Variants in JMY observed in about 807,000 individuals in gnomAD.
JMY encodes the protein junction mediating and regulatory protein, p53 cofactor, also known as junction-mediating and -regulatory protein.
In JMY, 46 loss-of-function variants were observed where a neutral mutation model predicts 103.3. That is an observed-to-expected ratio of 0.45 (90% CI 0.35 to 0.57). The LOEUF (loss-of-function observed/expected upper bound fraction) is 0.57, where lower values mean the gene tolerates loss of function less well. Among genes scored for constraint, JMY ranks in the 20% least tolerant of loss-of-function variants. The pLI, the probability that JMY is intolerant of heterozygous loss-of-function variation, is 0.00. For missense variants in JMY, 1,238 were observed against 1,255.2 expected (o/e 0.99, Z 0.21); for synonymous variants, 526 against 489.3 (o/e 1.07, Z -0.99).
rs1554052049 is a variant in JMY at position 79,302,102 on chromosome 5, A to AC, written c.1881+1240dup. On this transcript the variant is annotated intron_variant, in intron 6 of 10. Coordinates refer to ENST00000396137, the MANE Select transcript of JMY (RefSeq NM_152405.5). ...CCGTCTCAAAAAAAAAAAAAAAAAA[A>AC]CATTGCAGTGATTTCAGCAGGTCTT... Among the ~76,000 whole-genome samples, 986 of 150,744 alleles carry AC rather than the reference A, an allele frequency of 6.5e-3. 15 individuals are homozygous for AC. The highest frequency in any genetic ancestry group is 0.023 in the African/African-American group (936 of 40,714).
intron 1 of JMY, among the ~76,000 whole-genome samples, chr5:79,274,042 G>A (rs771193779): frequency 3.3e-5 from 5 of 152,034 alleles, no homozygotes; most frequent in Non-Finnish European, 5.9e-5. Context: ...TGTTAACCAG[G>A]ATGGTCTCCA....
At chr5:79,240,816 T>G (rs1053391458) in intron 1 of JMY, among the ~76,000 whole-genome samples, 1 of 152,260 alleles carries the variant, frequency 6.6e-6, no homozygotes, top group Non-Finnish European at 1.5e-5. Context: ...TAATTAAATT[T>G]AACTTTGCTT....
intron 9 of JMY, among the ~76,000 whole-genome samples, chr5:79,315,276 T>C (rs963001344): frequency 6.6e-6 from 1 of 152,210 alleles, no homozygotes; most frequent in African/African-American, 2.4e-5. Flanking sequence ...TTTGTGTATT[T>C]GTATAAAGAA....
At chr5:79,320,162 A>C (rs1747403967) in intron 10 of JMY, among the ~76,000 whole-genome samples, 1 of 152,136 alleles carries the variant, frequency 6.6e-6, no homozygotes, top group Non-Finnish European at 1.5e-5. Flanking sequence ...TGGGTGGATC[A>C]CTTGAGCCCA....
intron 1 of JMY, among the ~76,000 whole-genome samples, chr5:79,273,424 T>C (rs1745842303): frequency 6.6e-6 from 1 of 152,244 alleles, no homozygotes. Context: ...TATTTTTCTC[T>C]AGCTGTTTTC....
At chr5:79,292,428 C>A (rs1746448874) in intron 4 of JMY, among the ~76,000 whole-genome samples, 1 of 152,064 alleles carries the variant, frequency 6.6e-6, no homozygotes, top group Admixed American at 6.6e-5. Context: ...AGCAGTCCTA[C>A]CTCAGGCTCC....
intron 4 of JMY, 88 bp downstream of exon 4, chr5:79,291,387 G>C: frequency 8.5e-7 from 1 of 1,170,250 alleles, no homozygotes; most frequent in South Asian, 1.7e-5. Context: ...TGATTCGATA[G>C]GCAGTGATTT....
intron 2 of JMY, chr5:79,284,924 T>C: frequency 1.3e-6 from 2 of 1,530,600 alleles, no homozygotes; most frequent in Non-Finnish European, 8.9e-7. Flanking sequence ...GCCATGGTGC[T>C]GGTCAGAGAG....
intron 2 of JMY, among the ~76,000 whole-genome samples, chr5:79,288,071 T>C (rs1358125900): frequency 6.6e-6 from 1 of 152,222 alleles, no homozygotes; most frequent in Non-Finnish European, 1.5e-5. Flanking sequence ...TCCACCAGAA[T>C]CCTTAAATCT....
intron 6 of JMY, 84 bp downstream of exon 6, chr5:79,300,947 A>G: frequency 3.3e-6 from 4 of 1,196,014 alleles, no homozygotes; most frequent in Non-Finnish European, 4.6e-6. Flanking sequence ...AAACTTGCTT[A>G]TGTTTTAAAA....
intron 1 of JMY, among the ~76,000 whole-genome samples, chr5:79,275,224 G>A (rs1261183867): frequency 2.7e-5 from 4 of 150,124 alleles, no homozygotes; most frequent in Non-Finnish European, 4.4e-5. Flanking sequence ...GCAGTGGCGC[G>A]ATCTCAGCTC....
chr5:79,238,297 A>G (rs1409849039), intron 1 of JMY, among the ~76,000 whole-genome samples: 2 of 151,962 alleles, frequency 1.3e-5, no homozygotes, highest in Admixed American at 1.3e-4. Context: ...CTCAGGTTTC[A>G]CTGCTGTTTT....
intron 8 of JMY, 39 bp downstream of exon 8, chr5:79,312,537 T>C (rs766488419): frequency 1.4e-5 from 17 of 1,211,506 alleles, no homozygotes; most frequent in Admixed American, 2.6e-5. Context: ...TTTTCTTTTT[T>C]TTTTTTTTTT....
chr5:79,281,866 G>A (rs930200665), intron 2 of JMY, among the ~76,000 whole-genome samples: 1 of 152,110 alleles, frequency 6.6e-6, no homozygotes, highest in Admixed American at 6.5e-5. Context: ...AATATGCTGA[G>A]GAAAAGACAT....
At chr5:79,284,029 A>G in intron 2 of JMY, 1 of 723,958 alleles carries the variant, frequency 1.4e-6, no homozygotes, top group Non-Finnish European at 2.1e-6. Flanking sequence ...ATATTAATCC[A>G]ACAGCAAGGT....
chr5:79,286,271 C>G (rs1256032225), intron 2 of JMY, among the ~76,000 whole-genome samples: 1 of 152,142 alleles, frequency 6.6e-6, no homozygotes, highest in Non-Finnish European at 1.5e-5. Flanking sequence ...AAGGTAAAGA[C>G]ATTAATCCAC....
chr5:79,286,941 A>C (rs1010356657), intron 2 of JMY, among the ~76,000 whole-genome samples: 1 of 152,164 alleles, frequency 6.6e-6, no homozygotes, highest in Non-Finnish European at 1.5e-5. Flanking sequence ...AACAGCTACC[A>C]CTCCTAGGGT....
At chr5:79,320,866 A>G (rs1312611595) in intron 10 of JMY, among the ~76,000 whole-genome samples, 1 of 152,236 alleles carries the variant, frequency 6.6e-6, no homozygotes, top group Non-Finnish European at 1.5e-5. Flanking sequence ...TATGTTTTAT[A>G]TATACTAGTA....
chr5:79,270,642 T>G (rs1250685415), intron 1 of JMY, among the ~76,000 whole-genome samples: 1 of 141,796 alleles, frequency 7.1e-6, no homozygotes, highest in Non-Finnish European at 1.5e-5. Context: ...TACATAAATA[T>G]TTATATAAAA....
Sources: gnomAD v4.1 joint callset for allele counts (sites outside exome capture counted in the v4.1 genomes callset) on GRCh38, gnomAD v4.1.1 for gene constraint, MANE v1.5 for transcripts, NCBI Gene and HGNC (gene_info 2026-07-23, HGNC 2026-07-21) for gene names.